The following CDC25B variants were observed in gnomAD, a reference collection of about 807,000 sequenced individuals.
CDC25B encodes the protein M-phase inducer phosphatase 2.
CDC25B carries 33 observed loss-of-function variants against 69.8 expected under a neutral mutation model. The ratio of observed to expected loss-of-function variants is 0.47; its 90% CI spans 0.36 to 0.63. CDC25B has a LOEUF of 0.63. Among genes scored for constraint, CDC25B ranks in the 30% least tolerant of loss-of-function variants. The probability of loss-of-function intolerance (pLI) is 0.00; values close to 1 mark genes in which losing one functional copy is unlikely to be tolerated. For synonymous variants in CDC25B, 341 were observed against 314.6 expected (o/e 1.08, Z -0.89); for missense variants, 727 against 809.1 (o/e 0.90, Z 1.23).
upstream of CDC25B, among the ~76,000 whole-genome samples, chr20:3,795,297 G>GCCCT (rs912594921): frequency 4.0e-5 from 6 of 151,892 alleles, no homozygotes; most frequent in African/African-American, 1.5e-4. Context: ...GGTGGCGGAG[G>GCCCT]TTGTAGTGAG....
chr20:3,799,561 G>A (rs2089201033), intron 3 of CDC25B, among the ~76,000 whole-genome samples: 1 of 151,846 alleles, frequency 6.6e-6, no homozygotes. Flanking sequence ...AGCTCCGCGT[G>A]GCAGGTGGTC....
At chr20:3,800,921 G>C in intron 6 of CDC25B, 50 bp from the exon 7 acceptor site, 1 of 1,612,254 alleles carries the variant, frequency 6.2e-7, no homozygotes, top group Non-Finnish European at 8.5e-7. Flanking sequence ...GGGGCATGCT[G>C]GGGTGGTTCC....
chr20:3,805,501 T>A lies in CDC25B; in HGVS notation c.*540T>A, dbSNP rs1600411977. The A allele has an allele frequency of 3.0e-6, 1 of 338,618 alleles. No homozygotes were observed. The highest frequency in any genetic ancestry group is 5.3e-6 in the Non-Finnish European group (1 of 188,112). 21.0% of individuals were successfully genotyped at this position (338,618 alleles called of 1,614,324 possible). On this transcript the variant is annotated 3_prime_UTR_variant, in exon 16 of 16. Coordinates refer to ENST00000245960, the MANE Select transcript of CDC25B (RefSeq NM_021873.4). ...TTTCCTGTCCCACCATACGAGCACC[T>A]CCAGCCTGAACAGAAGCTCTTACTC...
Position 3,803,431 on chromosome 20 carries a change from G to A in CDC25B, c.1384G>A (p.Asp462Asn), listed in dbSNP as rs61742036. 50 of 1,614,066 alleles carry A rather than the reference G, an allele frequency of 3.1e-5. No individual in the cohort carries two copies. Among genetic ancestry groups the A allele is most frequent in the Middle Eastern group, 3.3e-4 (2 of 6,062 alleles). ...TGCGGTGAACTTGCCCCTGGAACGC[G>A]ACGCCGAGAGCTTCCTACTGAAGAG... is the stretch of plus-strand genomic sequence containing the variant. ...KTAVNLPLERDAESFLLKSPI... is the reference protein window; with the variant it reads ...KTAVNLPLERNAESFLLKSPI... The change falls in exon 14 of 16, where the codon GAC becomes AAC. Residue 462 changes from aspartate (D) to asparagine (N), a missense_variant. Asp to Asn is a conservative substitution (Grantham distance 23). Transcript: ENST00000245960. This position sits in a 1 kb window ranked among gnomAD's most constrained non-coding sequence, Gnocchi z 4.9.
chr20:3,800,684 C>A, intron 5 of CDC25B, 59 bp from the exon 6 acceptor site: 1 of 1,599,714 alleles, frequency 6.3e-7, no homozygotes, highest in Non-Finnish European at 8.5e-7. Flanking sequence ...AGGGCCTGGG[C>A]TCGTGCCGGA....
intron 9 of CDC25B, 33 bp from the exon 10 acceptor site, chr20:3,801,891 G>A (rs1447530679): frequency 6.3e-7 from 1 of 1,592,196 alleles, no homozygotes. Flanking sequence ...CGGGGCCTGG[G>A]CACCCTGATC....
upstream of CDC25B, among the ~76,000 whole-genome samples, chr20:3,793,333 T>C (rs1042578548): frequency 2.0e-5 from 3 of 152,010 alleles, no homozygotes; most frequent in Non-Finnish European, 1.5e-5. Context: ...GGCGGGCACC[T>C]GTAATCCCAG....
At chr20:3,802,560 C>G (rs570202938) in intron 11 of CDC25B, among the ~76,000 whole-genome samples, 184 bp downstream of exon 11, 1 of 152,324 alleles carries the variant, frequency 6.6e-6, no homozygotes, top group East Asian at 1.9e-4. Context: ...TGTCTCCTGA[C>G]TCCACCTCAA....
intron 1 of CDC25B, among the ~76,000 whole-genome samples, chr20:3,791,113 C>A (rs2146651107): frequency 6.6e-6 from 1 of 152,344 alleles, no homozygotes; most frequent in African/African-American, 2.4e-5. Context: ...ACTGCCCGTT[C>A]TCCTTAAAGG....
upstream of CDC25B, among the ~76,000 whole-genome samples, chr20:3,791,511 A>G (rs2088914845): frequency 6.6e-6 from 1 of 152,108 alleles, no homozygotes; most frequent in South Asian, 2.1e-4. Flanking sequence ...GACAAAACCC[A>G]GTCTCTCCAA....
intron 3 of CDC25B, 40 bp downstream of exon 3, chr20:3,798,503 A>G: frequency 6.8e-7 from 1 of 1,481,390 alleles, no homozygotes; most frequent in Non-Finnish European, 9.3e-7. Context: ...AGCATTCAGC[A>G]CCTGTCTTTA....
At position 3,805,062 on chromosome 20, in the gene CDC25B, C is replaced by T. The variant is rs2146710680; in HGVS notation, c.*101C>T. 8.0e-7 allele frequency: 1 copy of T among 1,248,824 alleles called. No homozygotes were observed. Among genetic ancestry groups the T allele is most frequent in the South Asian group, 1.4e-5 (1 of 70,536 alleles). The allele number at this position is 1,248,824 out of a possible 1,614,324, so 77.4% of individuals were successfully genotyped here. A position where few individuals can be genotyped will look rare whatever the true frequency, so the allele number is the denominator to read the frequency against. On this transcript the variant is annotated 3_prime_UTR_variant, in exon 16 of 16. Transcript: ENST00000245960. ...GAGGGCCTGCTGGAGGCCTCAGGTG[C>T]TGTCCATGGGAAAGATGGTGTGGGT...
intron 3 of CDC25B, among the ~76,000 whole-genome samples, chr20:3,799,690 C>A (rs186050459): frequency 1.3e-5 from 2 of 152,114 alleles, no homozygotes; most frequent in African/African-American, 4.8e-5. Flanking sequence ...CTGGAAAATT[C>A]CATAGGAGGG....
At position 3,805,099 on chromosome 20, in the gene CDC25B, C is replaced by T; in HGVS notation, c.*138C>T. On this transcript the variant is annotated 3_prime_UTR_variant, in exon 16 of 16. Coordinates refer to ENST00000245960, the MANE Select transcript of CDC25B (RefSeq NM_021873.4). Reference sequence around the variant, plus strand: ...AAGATGGTGTGGGTGTCCTGCCTGTCTGCCCCAGCCCAGATTCCCCTGTGT... The same window carrying T: ...AAGATGGTGTGGGTGTCCTGCCTGTTTGCCCCAGCCCAGATTCCCCTGTGT... 1 of 847,306 alleles carries T rather than the reference C, an allele frequency of 1.2e-6. No homozygotes were observed. Among genetic ancestry groups the T allele is most frequent in the Non-Finnish European group, 1.8e-6 (1 of 560,720 alleles). The allele number at this position is 847,306 out of a possible 1,614,324, so 52.5% of individuals were successfully genotyped here.
At position 3,801,388 on chromosome 20, in the gene CDC25B, G is replaced by A; in HGVS notation, c.840G>A (p.Lys280=). ...TGGACATCCTAGAGAGTGACTTAAA[G>A]GTAAACAGCCTTGTCCCACCAGGCC... The part of the protein sequence containing the change: ...GFVDILESDL[K]DDDAVPPGME... The change falls in exon 8 of 16, where the codon AAG becomes AAA. Residue 280 remains lysine, a splice_region_variant and synonymous_variant. Coordinates refer to ENST00000245960, the MANE Select transcript of CDC25B (RefSeq NM_021873.4). 1 of 1,609,614 alleles carries A rather than the reference G, an allele frequency of 6.2e-7. No homozygotes were observed. Among genetic ancestry groups the A allele is most frequent in the Admixed American group, 1.7e-5 (1 of 59,400 alleles).
chr20:3,789,356 C>T (rs537747789), intron 1 of CDC25B, among the ~76,000 whole-genome samples: 1 of 152,300 alleles, frequency 6.6e-6, no homozygotes, highest in South Asian at 2.1e-4. Flanking sequence ...GCATGAGGCA[C>T]CATGCCTGGC....
exon 1 of CDC25B, chr20:3,787,026 GTTTGT>G (rs1466060666): frequency 1.6e-6 from 1 of 607,578 alleles, no homozygotes; most frequent in South Asian, 1.9e-5. Flanking sequence ...CAGGGTTTTT[GTTTGT>G]TTTTTTTTTT....
Position 3,803,146 on chromosome 20 carries a change from G to T in CDC25B, c.1296G>T (p.Val432=), listed in dbSNP as rs758180796. 1 of 1,614,078 alleles carries T rather than the reference G, an allele frequency of 6.2e-7. No homozygotes were observed. Among genetic ancestry groups the T allele is most frequent in the Non-Finnish European group, 8.5e-7 (1 of 1,179,974 alleles). ...ALLTGKFSNI[V]DKFVIVDCRY... is the part of the protein sequence containing the mutation. ...TGACGGGCAAGTTCAGCAACATCGT[G>T]GATAAGTTTGTGATTGTAGACTGCA... Residue 432 remains valine (V), a synonymous_variant, in exon 13 of 16, where the codon GTG becomes GTT. Coordinates refer to ENST00000245960, the MANE Select transcript of CDC25B (RefSeq NM_021873.4). This position sits in a 1 kb window ranked among gnomAD's most constrained non-coding sequence, Gnocchi z 4.9.
chr20:3,802,482 C>A (rs1488292668), intron 11 of CDC25B, 106 bp downstream of exon 11: 3 of 732,068 alleles, frequency 4.1e-6, no homozygotes, highest in African/African-American at 3.5e-5. Flanking sequence ...CCCGGAGCCC[C>A]CCTTTTCTTT....
Sources: gnomAD v4.1 joint callset for allele counts (sites outside exome capture counted in the v4.1 genomes callset) on GRCh38, gnomAD v4.1.1 for gene constraint, Gnocchi (gnomAD v3.1) non-coding constraint, MANE v1.5 for transcripts, NCBI Gene and HGNC (gene_info 2026-07-23, HGNC 2026-07-21) for gene names.